RALYL: variants seen among roughly 807,000 people sequenced by gnomAD.
The protein encoded by RALYL is RNA-binding Raly-like protein.
In RALYL, 29 loss-of-function variants were observed where a neutral mutation model predicts 35.1. That is an observed-to-expected ratio of 0.83 (90% CI 0.61 to 1.13). The LOEUF is 1.13. RALYL is among the 50% of genes most tolerant of loss of function. The probability of loss-of-function intolerance (pLI) is 0.00; values close to 1 mark genes in which losing one functional copy is unlikely to be tolerated. For synonymous variants in RALYL, 120 were observed against 127.6 expected (o/e 0.94, Z 0.40); for missense variants, 359 against 360.4 (o/e 1.00, Z 0.03).
chr8:84,299,895 T>G (rs1271211393), intron 1 of RALYL, among the ~76,000 whole-genome samples: 1 of 152,056 alleles, frequency 6.6e-6, no homozygotes, highest in Non-Finnish European at 1.5e-5. Context: ...ACATTTATTC[T>G]TTCAAAGAAC....
intron 2 of RALYL, among the ~76,000 whole-genome samples, chr8:84,683,139 T>C (rs887185102): frequency 1.3e-5 from 2 of 152,200 alleles, no homozygotes; most frequent in Non-Finnish European, 2.9e-5. Flanking sequence ...AGTTTCCATG[T>C]AGTTGAGTGG....
chr8:84,331,957 T>A (rs73293085), intron 1 of RALYL, among the ~76,000 whole-genome samples: 1,762 of 152,254 alleles, frequency 0.012, 45 homozygotes, highest in African/African-American at 0.04. Flanking sequence ...TATTGTGCAA[T>A]TATATGTTTA....
At chr8:84,326,306 G>A (rs1392416152) in intron 1 of RALYL, among the ~76,000 whole-genome samples, 1 of 152,044 alleles carries the variant, frequency 6.6e-6, no homozygotes, top group Non-Finnish European at 1.5e-5. Context: ...TAGATAATAT[G>A]TCTCTTATGG....
intron 1 of RALYL, among the ~76,000 whole-genome samples, chr8:84,433,772 G>A (rs958865870): frequency 6.6e-6 from 1 of 151,588 alleles, no homozygotes; most frequent in Non-Finnish European, 1.5e-5. Context: ...GTCTTTATCA[G>A]CAGCATGATA....
chr8:84,705,877 G>A (rs1443072408), intron 2 of RALYL: 18 of 1,427,468 alleles, frequency 1.3e-5, no homozygotes, highest in African/African-American at 4.3e-5. Flanking sequence ...AATTTTATGA[G>A]AATGGTATTA....
intron 1 of RALYL, among the ~76,000 whole-genome samples, chr8:84,319,937 T>C (rs1417545333): frequency 6.6e-6 from 1 of 152,122 alleles, no homozygotes; most frequent in Non-Finnish European, 1.5e-5. Flanking sequence ...TTTTCTTCTA[T>C]AGCTTATATT....
At chr8:84,520,066 G>C (rs986139425) in intron 1 of RALYL, among the ~76,000 whole-genome samples, 2 of 152,166 alleles carry the variant, frequency 1.3e-5, no homozygotes, top group Non-Finnish European at 2.9e-5. Context: ...CATTTCTCAA[G>C]ATCCTTATAT....
intron 2 of RALYL, among the ~76,000 whole-genome samples, chr8:84,641,387 G>A (rs1029398111): frequency 6.6e-6 from 1 of 151,538 alleles, no homozygotes; most frequent in African/African-American, 2.4e-5. Flanking sequence ...TCAGATGTTA[G>A]CATTTTATAG....
chr8:84,696,750 A>G (rs763478301), intron 2 of RALYL, among the ~76,000 whole-genome samples: 22 of 152,142 alleles, frequency 1.4e-4, no homozygotes, highest in Non-Finnish European at 2.8e-4. Context: ...CGGTTTTTAT[A>G]ATGGTAAGAG....
At chr8:84,689,500 C>T (rs916594459) in intron 2 of RALYL, among the ~76,000 whole-genome samples, 1 of 152,096 alleles carries the variant, frequency 6.6e-6, no homozygotes, top group African/African-American at 2.4e-5. Context: ...GGCTTGGTTC[C>T]AAGTCTTTGC....
intron 1 of RALYL, among the ~76,000 whole-genome samples, chr8:84,261,784 G>A (rs1351369812): frequency 6.6e-6 from 1 of 151,656 alleles, no homozygotes; most frequent in South Asian, 2.1e-4. Context: ...TTTTTAATAT[G>A]TTTTATTACT....
chr8:84,806,763 A>G (rs180706124), intron 4 of RALYL, among the ~76,000 whole-genome samples: 2 of 152,272 alleles, frequency 1.3e-5, no homozygotes, highest in African/African-American at 2.4e-5. Context: ...AAGATTGTCC[A>G]AAAGTATGTA....
chr8:84,503,157 C>A (rs976335302), intron 1 of RALYL, among the ~76,000 whole-genome samples: 3 of 151,672 alleles, frequency 2.0e-5, no homozygotes, highest in African/African-American at 7.3e-5. Context: ...TTTTCTTTCT[C>A]TTTTTTTAGA....
chr8:84,916,444 T>C (rs1243552582), intron 8 of RALYL, among the ~76,000 whole-genome samples: 6 of 151,640 alleles, frequency 4.0e-5, no homozygotes, highest in African/African-American at 1.2e-4. Flanking sequence ...TGGTGGGAGG[T>C]AATTGCGTAA....
chr8:84,803,531 A>T (rs1470444835), intron 3 of RALYL, among the ~76,000 whole-genome samples: 1 of 152,238 alleles, frequency 6.6e-6, no homozygotes, highest in Non-Finnish European at 1.5e-5. Flanking sequence ...AATTCAGAAA[A>T]GGAAAGGTTA....
At chr8:84,376,030 G>A (rs569992687) in intron 1 of RALYL, among the ~76,000 whole-genome samples, 7 of 151,856 alleles carry the variant, frequency 4.6e-5, no homozygotes, top group Admixed American at 6.6e-5. Context: ...TGAAGAATAA[G>A]TAAGTCTGTT....
chr8:84,727,114 T>C (rs150608988), intron 2 of RALYL, among the ~76,000 whole-genome samples: 1 of 152,190 alleles, frequency 6.6e-6, no homozygotes, highest in East Asian at 1.9e-4. Context: ...AAGGCTCTAC[T>C]GAAAAGTGGG....
intron 1 of RALYL, among the ~76,000 whole-genome samples, chr8:84,449,138 AAAAT>A (rs2049178478): frequency 6.6e-6 from 1 of 151,644 alleles, no homozygotes; most frequent in South Asian, 2.1e-4. Flanking sequence ...AGGACATTAA[AAAAT>A]AAGTCCTTAA....
At chr8:84,850,842 G>C (rs1457091123) in intron 5 of RALYL, among the ~76,000 whole-genome samples, 1 of 152,168 alleles carries the variant, frequency 6.6e-6, no homozygotes, top group African/African-American at 2.4e-5. Flanking sequence ...ATCTCTGAGA[G>C]TTCTTTCAAT....
Sources: allele counts gnomAD v4.1 joint callset (sites outside exome capture counted in the v4.1 genomes callset), GRCh38; gene constraint gnomAD v4.1.1; transcripts MANE v1.5; gene names NCBI Gene and HGNC (gene_info 2026-07-23, HGNC 2026-07-21).